SLC22A23: variants seen among roughly 807,000 people sequenced by gnomAD.
SLC22A23 encodes the protein solute carrier family 22 member 23.
SLC22A23 carries 26 observed loss-of-function variants against 61.0 expected under a neutral mutation model. The ratio of observed to expected loss-of-function variants is 0.43; its 90% CI spans 0.31 to 0.59. The LOEUF (loss-of-function observed/expected upper bound fraction) is 0.59. Among genes scored for constraint, SLC22A23 ranks in the 20% least tolerant of loss-of-function variants. The pLI, the probability that SLC22A23 is intolerant of heterozygous loss-of-function variation, is 0.11. For synonymous variants in SLC22A23, 430 were observed against 413.9 expected (o/e 1.04, Z -0.47); for missense variants, 796 against 934.7 (o/e 0.85, Z 1.94).
intron 1 of SLC22A23, among the ~76,000 whole-genome samples, chr6:3,422,763 CA>C (rs1264115039): frequency 6.6e-6 from 1 of 151,990 alleles, no homozygotes; most frequent in Non-Finnish European, 1.5e-5. Context: ...AATTGCTGCT[CA>C]AATTGCTCCT....
intron 3 of SLC22A23, among the ~76,000 whole-genome samples, chr6:3,388,623 T>G (rs1427822599): frequency 6.6e-6 from 1 of 152,190 alleles, no homozygotes; most frequent in Non-Finnish European, 1.5e-5. Context: ...GCAGCGTTAT[T>G]CACAACAGCT....
intron 3 of SLC22A23, among the ~76,000 whole-genome samples, chr6:3,345,934 C>A (rs1220145422): frequency 6.6e-6 from 1 of 152,158 alleles, no homozygotes; most frequent in Non-Finnish European, 1.5e-5. Context: ...TTTGGTGTCT[C>A]CCGTTCTCCG....
At chr6:3,291,906 A>G (rs986015248) in intron 5 of SLC22A23, 1 of 152,236 alleles carries the variant, frequency 6.6e-6, no homozygotes, top group Non-Finnish European at 1.5e-5. Flanking sequence ...ATTGTTTACT[A>G]AGTATGATGT....
rs748644438 is a variant in SLC22A23, at chr6:3,290,046, T to G, written c.1211-180A>C. ...GGTTTCCAGGATAGAAAGGCACTCA[T>G]AAGACCCCAGCTTTGCAGTTCAGGT... is the stretch of plus-strand genomic sequence containing the variant. On this transcript the variant is annotated intron_variant, in intron 5 of 9. Transcript: ENST00000406686. 6 of 617,414 alleles carry G rather than the reference T, an allele frequency of 9.7e-6. No homozygotes were observed. In the African/African-American group the frequency reaches 9.9e-5, roughly 10 times the overall value. The allele number at this position is 617,414 out of a possible 1,614,324, so 38.2% of individuals were successfully genotyped here. A position where few individuals can be genotyped will look rare whatever the true frequency, so the allele number is the denominator to read the frequency against.
rs750437968 is a variant in SLC22A23, at chr6:3,410,311, T to C, written c.790A>G (p.Ile264Val). ...AGTCCAAAGATCAGAATGAAGATGA[T>C]GGAAAACAGCAGCACAGGCCGCCGG... The part of the protein sequence containing the change: ...VGRRPVLLFS[I>V]IFILIFGLTV... Residue 264 changes from isoleucine (I) to valine (V), a missense_variant, in exon 3 of 10, where the codon ATC (isoleucine) becomes GTC (valine). Physicochemically the swap from Ile to Val is conservative, Grantham distance 29 (BLOSUM62 3). Coordinates refer to ENST00000406686, the MANE Select transcript of SLC22A23 (RefSeq NM_015482.2). This position sits in a 1 kb window ranked among gnomAD's most constrained non-coding sequence, Gnocchi z 5.0. 4.3e-6 allele frequency: 7 copies of C among 1,613,162 alleles called. No individual in the cohort carries two copies. The highest frequency in any genetic ancestry group is 2.2e-5 in the South Asian group (2 of 90,888).
intron 3 of SLC22A23, among the ~76,000 whole-genome samples, chr6:3,399,533 T>C (rs1442086719): frequency 6.6e-6 from 1 of 152,122 alleles, no homozygotes; most frequent in African/African-American, 2.4e-5. Context: ...TGGCAGAACA[T>C]GGCAAACAAC....
chr6:3,404,584 G>C (rs1768662551), intron 3 of SLC22A23, among the ~76,000 whole-genome samples: 1 of 152,154 alleles, frequency 6.6e-6, no homozygotes, highest in Non-Finnish European at 1.5e-5. Context: ...GGCATGTTGT[G>C]GCTCCCTGCT....
intron 1 of SLC22A23, among the ~76,000 whole-genome samples, chr6:3,429,141 T>C (rs1770694682): frequency 6.6e-6 from 1 of 152,170 alleles, no homozygotes; most frequent in Non-Finnish European, 1.5e-5. Flanking sequence ...TCTGGGATTT[T>C]AAAGGCTGGG....
chr6:3,419,510 G>A (rs535220013), intron 1 of SLC22A23, among the ~76,000 whole-genome samples: 1 of 152,320 alleles, frequency 6.6e-6, no homozygotes, highest in South Asian at 2.1e-4. Flanking sequence ...CGGCTGACCT[G>A]AGTTAGGAAG....
At chr6:3,374,253 A>G (rs907401559) in intron 3 of SLC22A23, among the ~76,000 whole-genome samples, 2 of 152,240 alleles carry the variant, frequency 1.3e-5, no homozygotes, top group South Asian at 4.1e-4. Flanking sequence ...GCTCTCAGCT[A>G]TATGTCCAGG....
At chr6:3,440,716 A>G (rs1771536980) in intron 1 of SLC22A23, among the ~76,000 whole-genome samples, 1 of 151,788 alleles carries the variant, frequency 6.6e-6, no homozygotes, top group South Asian at 2.1e-4. Flanking sequence ...CAGAAAAAAA[A>G]AAAAAAAGAA....
At position 3,442,700 on chromosome 6, in the gene SLC22A23, T is replaced by C. The variant is rs188683612; in HGVS notation, c.654+13206A>G. Among the ~76,000 whole-genome samples the C allele has an allele frequency of 1.4e-3, 217 of 152,340 alleles. 4 individuals carry two copies. In the East Asian group the frequency reaches 0.038, roughly 27 times the overall value. ...ACCACTGGGATGCTTGTGGCTGTTTTAAGCCAGCATTATCTCCCTTGCACC... is the reference window on the plus strand; with the variant it reads ...ACCACTGGGATGCTTGTGGCTGTTTCAAGCCAGCATTATCTCCCTTGCACC... On this transcript the variant is annotated intron_variant, in intron 1 of 9. Coordinates refer to ENST00000406686, the MANE Select transcript of SLC22A23 (RefSeq NM_015482.2).
intron 9 of SLC22A23, among the ~76,000 whole-genome samples, chr6:3,275,088 T>C (rs1215872476): frequency 6.6e-6 from 1 of 152,172 alleles, no homozygotes; most frequent in Non-Finnish European, 1.5e-5. Flanking sequence ...TATAAAGCCA[T>C]ACGGCTTAAG....
intron 4 of SLC22A23, chr6:3,323,447 T>C: frequency 2.4e-6 from 1 of 421,838 alleles, no homozygotes; most frequent in Admixed American, 3.0e-5. Context: ...GGGACTTTTG[T>C]AAATCACTCC....
Position 3,322,434 on chromosome 6 carries a change from AGGCCCTGTTGG to A in SLC22A23, c.1082+1389_1082+1399del, listed in dbSNP as rs764180158. 5.2e-4 allele frequency among the ~76,000 whole-genome samples: 79 copies of A among 152,196 alleles called. No individual in the cohort carries two copies. Among genetic ancestry groups the A allele is most frequent in the Non-Finnish European group, 7.5e-4 (51 of 68,030 alleles). ...ACTATTGCTCATTCTCCGCTCCTTA[AGGCCCTGTTGG>A]GGCACAAGGGCTGTCCTGGAACACG... is the stretch of plus-strand genomic sequence containing the variant. On this transcript the variant is annotated intron_variant, in intron 4 of 9. Coordinates refer to ENST00000406686, the MANE Select transcript of SLC22A23 (RefSeq NM_015482.2). The surrounding 1 kb of genome is among the most constrained non-coding windows in gnomAD (Gnocchi z 4.1).
chr6:3,286,516 C>T lies in SLC22A23; in HGVS notation c.1546+343G>A, dbSNP rs575445699. Among the ~76,000 whole-genome samples the T allele has an allele frequency of 2.7e-3, 413 of 152,346 alleles. No individual in the cohort carries two copies. The highest frequency in any genetic ancestry group is 0.014 in the Middle Eastern group (4 of 294). On this transcript the variant is annotated intron_variant, in intron 7 of 9. Transcript: ENST00000406686. The surrounding 1 kb of genome is among the most constrained non-coding windows in gnomAD (Gnocchi z 4.2). The stretch of plus-strand genomic sequence containing the variant: ...AAGGGTGACAAAACAGATTTATTTC[C>T]CCCTTAATGTCACTCGAAAGAGACA...
rs555593940 is a variant in SLC22A23 at position 3,419,571 on chromosome 6, C to A, written c.655-3716G>T. 4.7e-4 allele frequency among the ~76,000 whole-genome samples: 71 copies of A among 152,248 alleles called. 2 individuals are homozygous for A. In the South Asian group the frequency reaches 0.014, roughly 31 times the overall value. On this transcript the variant is annotated intron_variant, in intron 1 of 9. Coordinates refer to ENST00000406686, the MANE Select transcript of SLC22A23 (RefSeq NM_015482.2). Reference sequence around the variant, plus strand: ...CATCCATTTTGCTGGTCAGCTCTGGCAAGGGTTGGGTGGTCTGGGAGCCAA... The same window carrying A: ...CATCCATTTTGCTGGTCAGCTCTGGAAAGGGTTGGGTGGTCTGGGAGCCAA...
intron 3 of SLC22A23, among the ~76,000 whole-genome samples, chr6:3,374,825 T>A (rs1308081406): frequency 6.6e-6 from 1 of 152,172 alleles, no homozygotes; most frequent in Non-Finnish European, 1.5e-5. Flanking sequence ...CAGTGCTAGA[T>A]CTGTCCAAGT....
chr6:3,382,014 G>A, intron 3 of SLC22A23, among the ~76,000 whole-genome samples: 1 of 152,196 alleles, frequency 6.6e-6, no homozygotes, highest in Admixed American at 6.5e-5. Context: ...TGACAAGGGG[G>A]TCCACTTTAA....
Sources: gnomAD v4.1 joint callset for allele counts (sites outside exome capture counted in the v4.1 genomes callset) on GRCh38, gnomAD v4.1.1 for gene constraint, Gnocchi (gnomAD v3.1) non-coding constraint, MANE v1.5 for transcripts, NCBI Gene and HGNC (gene_info 2026-07-23, HGNC 2026-07-21) for gene names.